The following PPM1L variants were observed in gnomAD, a reference collection of about 807,000 sequenced individuals.
PPM1L encodes the protein protein phosphatase 1L.
A neutral mutation model predicts 31.4 loss-of-function variants in PPM1L; 13 were observed. The ratio of observed to expected loss-of-function variants is 0.41; its 90% CI spans 0.27 to 0.66. The LOEUF (loss-of-function observed/expected upper bound fraction) is 0.66. Among genes scored for constraint, PPM1L ranks in the 30% least tolerant of loss-of-function variants. The probability of loss-of-function intolerance (pLI) is 0.29; values close to 1 mark genes in which losing one functional copy is unlikely to be tolerated. For missense variants in PPM1L, 326 were observed against 453.7 expected, an observed-to-expected ratio of 0.72 and a Z score of 2.56; for synonymous variants, 184 against 175.4, an observed-to-expected ratio of 1.05 and a Z score of -0.39.
chr3:160,863,238 C>A lies in PPM1L; in HGVS notation c.400-98498C>A, dbSNP rs865945938. ...TGAAGATGATAGAATTTTTAAAATA[C>A]AGACTTGGAGACCACATTCAAAACA... On this transcript the variant is annotated intron_variant, in intron 1 of 3. Transcript: ENST00000498165. Among the ~76,000 whole-genome samples, 13 of 152,228 alleles carry A rather than the reference C, an allele frequency of 8.5e-5. No homozygotes were observed. In the Middle Eastern group the frequency reaches 0.01, roughly 119 times the overall value.
chr3:161,020,812 T>C (rs917320883), intron 2 of PPM1L, among the ~76,000 whole-genome samples: 22 of 152,156 alleles, frequency 1.4e-4, no homozygotes, highest in African/African-American at 5.3e-4. Context: ...AAGTTTCATC[T>C]ACATTATCTA....
intron 2 of PPM1L, among the ~76,000 whole-genome samples, chr3:160,975,871 C>G (rs1259556117): frequency 2.0e-5 from 3 of 147,178 alleles, no homozygotes; most frequent in African/African-American, 7.5e-5. Context: ...TTATTTCCTT[C>G]TCCTGCCTAA....
At chr3:160,824,217 G>T (rs548384496) in intron 1 of PPM1L, among the ~76,000 whole-genome samples, 1 of 152,156 alleles carries the variant, frequency 6.6e-6, no homozygotes, top group Admixed American at 6.5e-5. Context: ...TTTGCTTTCT[G>T]CCATGAGAGG....
At position 161,043,825 on chromosome 3, in the gene PPM1L, A is replaced by G. The variant is rs1718978022; in HGVS notation, c.575-21578A>G. On this transcript the variant is annotated intron_variant, in intron 2 of 3. Transcript: ENST00000498165. ...GCCCTTTCAGCAGTAAATTGGTCTCAGGGTGCTGGAGAGGATGTATCTGGT... is the reference window on the plus strand; with the variant it reads ...GCCCTTTCAGCAGTAAATTGGTCTCGGGGTGCTGGAGAGGATGTATCTGGT... Among the ~76,000 whole-genome samples, 2 of 152,192 alleles carry G rather than the reference A, an allele frequency of 1.3e-5. 1 individual carries two copies. The highest frequency in any genetic ancestry group is 4.8e-5 in the African/African-American group (2 of 41,444).
chr3:160,948,009 A>G (rs538540677), intron 1 of PPM1L, among the ~76,000 whole-genome samples: 1 of 152,300 alleles, frequency 6.6e-6, no homozygotes, highest in Admixed American at 6.5e-5. Flanking sequence ...CTAATCTATT[A>G]CTTTATAGAA....
chr3:160,880,461 G>T (rs757785468), intron 1 of PPM1L, among the ~76,000 whole-genome samples: 1 of 152,110 alleles, frequency 6.6e-6, no homozygotes, highest in Non-Finnish European at 1.5e-5. Flanking sequence ...TTCTAGAGAA[G>T]AAATGCAATA....
chr3:160,851,239 A>G (rs1435093225), intron 1 of PPM1L, among the ~76,000 whole-genome samples: 1 of 152,174 alleles, frequency 6.6e-6, no homozygotes, highest in Non-Finnish European at 1.5e-5. Context: ...TTAAAAATTA[A>G]AGGTAGTGTC....
intron 1 of PPM1L, among the ~76,000 whole-genome samples, chr3:160,885,128 C>T (rs1025533742): frequency 1.3e-5 from 2 of 152,084 alleles, no homozygotes; most frequent in Admixed American, 1.3e-4. Context: ...CCTCTCACTC[C>T]CTATCTCCAC....
At chr3:161,027,608 C>T (rs906377927) in intron 2 of PPM1L, among the ~76,000 whole-genome samples, 2 of 152,118 alleles carry the variant, frequency 1.3e-5, no homozygotes, top group Admixed American at 6.5e-5. Context: ...GACCTGCCCC[C>T]GTGATCCAAT....
At chr3:161,045,791 T>C (rs1182182623) in intron 2 of PPM1L, among the ~76,000 whole-genome samples, 2 of 151,566 alleles carry the variant, frequency 1.3e-5, no homozygotes, top group African/African-American at 2.4e-5. Context: ...CTGAAGGAGA[T>C]AGATAGAGAC....
At chr3:160,916,460 T>C (rs1714185782) in intron 1 of PPM1L, among the ~76,000 whole-genome samples, 1 of 152,128 alleles carries the variant, frequency 6.6e-6, no homozygotes, top group South Asian at 2.1e-4. Flanking sequence ...ATAAAAATAA[T>C]GGTCTAGATG....
Position 161,076,151 on chromosome 3 carries a change from A to T in PPM1L, c.*6994A>T, listed in dbSNP as rs532597855. 6.6e-6 allele frequency: 1 copy of T among 152,342 alleles called. No homozygotes were observed. Among genetic ancestry groups the T allele is most frequent in the African/African-American group, 2.4e-5 (1 of 41,584 alleles). 9.4% of individuals were successfully genotyped at this position (152,342 alleles called of 1,614,324 possible). ...TAATGCAATGGGTCAGGTTGCTCAT[A>T]TGATTAAAAAAATTAATCCTGTAGA... On this transcript the variant is annotated 3_prime_UTR_variant, in exon 4 of 4. Transcript: ENST00000498165.
chr3:160,965,261 A>G lies in PPM1L; in HGVS notation c.574+3351A>G, dbSNP rs867074098. 2.8e-4 allele frequency among the ~76,000 whole-genome samples: 43 copies of G among 151,978 alleles called. 1 individual carries two copies. The highest frequency in any genetic ancestry group is 1.3e-4 in the Non-Finnish European group (9 of 67,970). The stretch of plus-strand genomic sequence containing the variant: ...GCCTCCATCTCAAAAAAAAAAAGAA[A>G]AAAGAAAATTGCTAGTAGTATCCAA... On this transcript the variant is annotated intron_variant, in intron 2 of 3. Transcript: ENST00000498165.
chr3:161,032,289 T>C (rs1273629997), intron 2 of PPM1L, among the ~76,000 whole-genome samples: 1 of 152,186 alleles, frequency 6.6e-6, no homozygotes, highest in Non-Finnish European at 1.5e-5. Context: ...TATCACTCAA[T>C]AGGTCACCCC....
chr3:161,002,302 G>A (rs906527069), intron 2 of PPM1L, among the ~76,000 whole-genome samples: 6 of 152,116 alleles, frequency 3.9e-5, no homozygotes, highest in Non-Finnish European at 5.9e-5. Flanking sequence ...AAACATATAT[G>A]TGCATGTGTC....
At chr3:160,973,918 T>C (rs1011274418) in intron 2 of PPM1L, among the ~76,000 whole-genome samples, 1 of 150,932 alleles carries the variant, frequency 6.6e-6, no homozygotes, top group African/African-American at 2.4e-5. Context: ...ATGTGCACAT[T>C]GTGCAGGTTA....
intron 1 of PPM1L, among the ~76,000 whole-genome samples, chr3:160,960,833 A>C (rs956915839): frequency 5.3e-5 from 8 of 152,236 alleles, no homozygotes; most frequent in African/African-American, 1.9e-4. Flanking sequence ...TAGCAATGGG[A>C]TTCTCAACTT....
At chr3:160,961,133 AG>A (rs1039445766) in intron 1 of PPM1L, among the ~76,000 whole-genome samples, 1 of 151,934 alleles carries the variant, frequency 6.6e-6, no homozygotes, top group Non-Finnish European at 1.5e-5. Flanking sequence ...AGTGGTGAAG[AG>A]GTTTGGTTTT....
At chr3:160,876,430 G>T (rs1350160392) in intron 1 of PPM1L, among the ~76,000 whole-genome samples, 1 of 152,152 alleles carries the variant, frequency 6.6e-6, no homozygotes, top group Non-Finnish European at 1.5e-5. Context: ...ATGAGATCCT[G>T]ATTACTTCAG....
Sources: allele counts gnomAD v4.1 joint callset (sites outside exome capture counted in the v4.1 genomes callset), GRCh38; gene constraint gnomAD v4.1.1; transcripts MANE v1.5; gene names NCBI Gene and HGNC (gene_info 2026-07-23, HGNC 2026-07-21).